CEP83: variants seen among roughly 807,000 people sequenced by gnomAD.
CEP83 encodes the protein centrosomal protein 83, also known as centrosomal protein of 83 kDa.
CEP83 carries 70 observed loss-of-function variants against 101.9 expected under a neutral mutation model. The observed-to-expected ratio is 0.69, with a 90% CI of 0.57 to 0.84. CEP83 has a LOEUF of 0.84. Ranked by LOEUF, CEP83 falls within the 40% of genes least tolerant of loss-of-function variation. CEP83 has a pLI of 0.00. For missense variants in CEP83, 715 were observed against 787.2 expected, an observed-to-expected ratio of 0.91 and a Z score of 1.10; for synonymous variants, 264 against 267.9, an observed-to-expected ratio of 0.99 and a Z score of 0.14.
intron 2 of CEP83, 96 bp from the exon 3 acceptor site, chr12:94,412,687 T>C (rs1220281473): frequency 2.4e-5 from 9 of 380,008 alleles, no homozygotes; most frequent in African/African-American, 2.0e-4. Flanking sequence ...TTATTCTTTT[T>C]TTTTTCTTTT....
At position 94,437,056 on chromosome 12, in the gene CEP83, G is replaced by A. The variant is rs1378367312; in HGVS notation, c.-154-1729C>T. On this transcript the variant is annotated intron_variant, in intron 1 of 16. Coordinates refer to ENST00000397809, the MANE Select transcript of CEP83 (RefSeq NM_016122.3). Reference sequence around the variant, plus strand: ...TAGATATCTAGACATCCAAATACAAGCAGCTTGGCCAGGCGTGGTGGCTCA... The same window carrying A: ...TAGATATCTAGACATCCAAATACAAACAGCTTGGCCAGGCGTGGTGGCTCA... Among the ~76,000 whole-genome samples, 4 of 151,820 alleles carry A rather than the reference G, an allele frequency of 2.6e-5. No homozygotes were observed. In the East Asian group the frequency reaches 7.7e-4, roughly 29 times the overall value.
At chr12:94,268,425 A>G in the CEP83 span, among the ~76,000 whole-genome samples, 1 of 152,084 alleles carries the variant, frequency 6.6e-6, no homozygotes, top group Admixed American at 6.6e-5. Context: ...TTCTCTATCA[A>G]GCATTCCAGG....
In CEP83 at chr12:94,333,404, A is replaced by T. The variant is rs146889147; in HGVS notation, c.1577+78T>A. On this transcript the variant is annotated intron_variant, in intron 13 of 16. Coordinates refer to ENST00000397809, the MANE Select transcript of CEP83 (RefSeq NM_016122.3). ...AACTAGTTTCTAAAATATAATCAAC[A>T]TTGGAATCATTACTAAAATAAGTAC... The T allele has an allele frequency of 7.0e-4, 885 of 1,263,938 alleles. 13 individuals carry two copies. In the East Asian group the frequency reaches 0.02, roughly 28 times the overall value. 78.3% of individuals were successfully genotyped at this position (1,263,938 alleles called of 1,614,324 possible).
chr12:94,293,886 C>G, the CEP83 span, among the ~76,000 whole-genome samples: 1 of 152,136 alleles, frequency 6.6e-6, no homozygotes, highest in African/African-American at 2.4e-5. Flanking sequence ...TCCCAAAGTG[C>G]TGGGATCGCA....
intron 11 of CEP83, among the ~76,000 whole-genome samples, chr12:94,344,035 T>G (rs1481187574): frequency 6.6e-6 from 1 of 152,134 alleles, no homozygotes; most frequent in Non-Finnish European, 1.5e-5. Context: ...GGGAAGAAGG[T>G]GGCTACCTGC....
intron 4 of CEP83, among the ~76,000 whole-genome samples, chr12:94,410,171 G>C (rs184102971): frequency 5.9e-5 from 9 of 152,200 alleles, no homozygotes; most frequent in African/African-American, 2.2e-4. Context: ...TCAACAAATA[G>C]ATGTTTACTA....
chr12:94,314,628 A>C (rs1593089414), intron 14 of CEP83, among the ~76,000 whole-genome samples: 1 of 152,228 alleles, frequency 6.6e-6, no homozygotes, highest in South Asian at 2.1e-4. Flanking sequence ...GGTTATCTGC[A>C]TTATTTCCAG....
chr12:94,271,030 TGGCCTCA>T, the CEP83 span, among the ~76,000 whole-genome samples: 1 of 152,236 alleles, frequency 6.6e-6, no homozygotes, highest in Non-Finnish European at 1.5e-5. Flanking sequence ...CACTTCTAAC[TGGCCTCA>T]TGCTGCTTCT....
At chr12:94,303,850 C>T (rs1198592292), downstream of CEP83, 2 of 1,609,946 alleles carry the variant, frequency 1.2e-6, no homozygotes, top group Non-Finnish European at 1.7e-6. Flanking sequence ...GATTTGCCTC[C>T]ATTGTCATCC....
chr12:94,424,652 C>T, intron 2 of CEP83: 1 of 1,613,610 alleles, frequency 6.2e-7, no homozygotes, highest in South Asian at 1.1e-5. Flanking sequence ...TGCTGAAGGG[C>T]TGTCAAAATC....
At chr12:94,403,380 T>A in intron 4 of CEP83, 118 bp from the exon 5 acceptor site, 1 of 560,720 alleles carries the variant, frequency 1.8e-6, no homozygotes, top group South Asian at 2.5e-5. Flanking sequence ...TGCAATATAG[T>A]TTTTTTACAG....
chr12:94,275,322 T>A, the CEP83 span, among the ~76,000 whole-genome samples: 1 of 152,322 alleles, frequency 6.6e-6, no homozygotes. Flanking sequence ...CAGGAGAACA[T>A]GCTGGTTAAA....
the CEP83 span, among the ~76,000 whole-genome samples, chr12:94,277,538 C>A: frequency 6.6e-6 from 1 of 152,206 alleles, no homozygotes; most frequent in Non-Finnish European, 1.5e-5. Context: ...GAGAAAGCGA[C>A]ATACACAGAG....
chr12:94,297,124 G>C, the CEP83 span: 1 of 1,536,678 alleles, frequency 6.5e-7, no homozygotes, highest in African/African-American at 1.4e-5. Flanking sequence ...TTAAGAGAAG[G>C]CCGATTAGCC....
chr12:94,460,307 C>G (rs1409740025), upstream of CEP83: 4 of 152,918 alleles, frequency 2.6e-5, no homozygotes, highest in African/African-American at 4.8e-5. Flanking sequence ...CTCTCCTTCC[C>G]TCTTCCCCAC....
chr12:94,403,207 TC>T lies in CEP83; in HGVS notation c.379del (p.Glu127LysfsTer4). ...LLRAQIQQELETPMRERFRNL... is the reference protein window; with the variant it reads ...LLRAQIQQELXTPMRERFRNL... ...CCTAAAACGTTCTCTCATTGGAGTT[TC>T]TAATTCTTGTTGTATTTGGGCTCTT... is the stretch of plus-strand genomic sequence containing the variant. On this transcript the variant is annotated frameshift_variant, in exon 5 of 17. Coordinates refer to ENST00000397809, the MANE Select transcript of CEP83 (RefSeq NM_016122.3). LOFTEE classifies it high-confidence loss of function. 6.3e-7 allele frequency: 1 copy of T among 1,587,606 alleles called. No individual in the cohort carries two copies.
intron 1 of CEP83, among the ~76,000 whole-genome samples, chr12:94,438,623 C>A (rs190067329): frequency 6.6e-6 from 1 of 152,284 alleles, no homozygotes; most frequent in African/African-American, 2.4e-5. Context: ...ACTAACAGCA[C>A]TAGACAAGTC....
the CEP83 span, among the ~76,000 whole-genome samples, chr12:94,282,559 A>G: frequency 7.2e-5 from 11 of 152,330 alleles, 1 homozygote; most frequent in East Asian, 2.1e-3. Flanking sequence ...TTGTGCAGAC[A>G]AGCCCATGAA....
chr12:94,375,789 C>T (rs2061502527), intron 8 of CEP83, 97 bp downstream of exon 8: 3 of 606,776 alleles, frequency 4.9e-6, no homozygotes, highest in Non-Finnish European at 7.6e-6. Context: ...TATAATAAAA[C>T]ATTTCAGTAT....
Sources: allele counts gnomAD v4.1 joint callset (sites outside exome capture counted in the v4.1 genomes callset), GRCh38; gene constraint gnomAD v4.1.1; transcripts MANE v1.5; gene names NCBI Gene and HGNC (gene_info 2026-07-23, HGNC 2026-07-21).